CTNND2: variants seen among roughly 807,000 people sequenced by gnomAD.
CTNND2 encodes the protein catenin delta 2.
In CTNND2, 22 loss-of-function variants were observed where a neutral mutation model predicts 144.4. The ratio of observed to expected loss-of-function variants is 0.15; its 90% confidence interval spans 0.11 to 0.22. The LOEUF (loss-of-function observed/expected upper bound fraction) is 0.22, where lower values mean the gene tolerates loss of function less well. Among genes scored for constraint, CTNND2 ranks in the 10% least tolerant of loss-of-function variants. CTNND2 has a pLI of 1.00. For missense variants in CTNND2, 1,353 were observed against 1,618.8 expected (o/e 0.84, Z 2.82); for synonymous variants, 751 against 695.6 (o/e 1.08, Z -1.25).
At chr5:11,395,947 A>T (rs2149814562) in intron 6 of CTNND2, among the ~76,000 whole-genome samples, 1 of 152,304 alleles carries the variant, frequency 6.6e-6, no homozygotes, top group East Asian at 1.9e-4. Flanking sequence ...CTCCTGATAC[A>T]AACATGAAAA....
chr5:11,396,550 C>A (rs780483498), intron 6 of CTNND2, among the ~76,000 whole-genome samples: 3 of 152,170 alleles, frequency 2.0e-5, no homozygotes, highest in Non-Finnish European at 4.4e-5. Flanking sequence ...AAACTCATCA[C>A]AATCATTTTC....
At chr5:11,323,868 T>C (rs116623811) in intron 9 of CTNND2, among the ~76,000 whole-genome samples, 3,431 of 152,048 alleles carry the variant, frequency 0.023, 130 homozygotes, top group African/African-American at 0.079. Context: ...AAATTCTGAG[T>C]AGCAAAGAGT....
chr5:11,791,122 A>G (rs924057805), intron 1 of CTNND2, among the ~76,000 whole-genome samples: 2 of 152,198 alleles, frequency 1.3e-5, no homozygotes, highest in African/African-American at 4.8e-5. Flanking sequence ...GGTTACCAGG[A>G]GCTGGAAGAG....
rs150511045 is a variant in CTNND2, at chr5:11,816,615, G to C, written c.38-84343C>G. ...GAGCAGGTAGGGGAGGGAAGAGAGA[G>C]AGAGAGGGAAGAGGGAGAGGGGGGG... On this transcript the variant is annotated intron_variant, in intron 1 of 21. Coordinates refer to ENST00000304623, the MANE Select transcript of CTNND2 (RefSeq NM_001332.4). 2.9e-3 allele frequency among the ~76,000 whole-genome samples: 385 copies of C among 130,844 alleles called. 5 individuals carry two copies. Among genetic ancestry groups the C allele is most frequent in the African/African-American group, 0.011 (361 of 33,358 alleles). 85.8% of individuals were successfully genotyped at this position (130,844 alleles called of 152,430 possible). A position where few individuals can be genotyped will look rare whatever the true frequency, so the allele number is the denominator to read the frequency against.
At chr5:11,117,733 C>T (rs1300088922) in intron 12 of CTNND2, among the ~76,000 whole-genome samples, 166 bp from the exon 13 acceptor site, 5 of 152,190 alleles carry the variant, frequency 3.3e-5, no homozygotes, top group Non-Finnish European at 7.3e-5. Flanking sequence ...TTCCACAAAA[C>T]ACATCCCAGA....
At chr5:11,635,602 G>A (rs1781642894) in intron 2 of CTNND2, among the ~76,000 whole-genome samples, 1 of 152,114 alleles carries the variant, frequency 6.6e-6, no homozygotes, top group South Asian at 2.1e-4. Flanking sequence ...ACCACATCTG[G>A]ATATTCTAAC....
At chr5:11,073,718 G>A (rs1748599029) in intron 16 of CTNND2, among the ~76,000 whole-genome samples, 2 of 152,146 alleles carry the variant, frequency 1.3e-5, no homozygotes, top group Non-Finnish European at 2.9e-5. Context: ...TTAGGTTCTG[G>A]GGTTTAGGAG....
At chr5:11,828,849 G>C (rs1011874473) in intron 1 of CTNND2, among the ~76,000 whole-genome samples, 7 of 152,118 alleles carry the variant, frequency 4.6e-5, no homozygotes, top group Admixed American at 4.6e-4. Flanking sequence ...CATTAGGCAG[G>C]GAAATTGGGA....
At chr5:11,476,866 C>T (rs970925380) in intron 3 of CTNND2, among the ~76,000 whole-genome samples, 1 of 152,090 alleles carries the variant, frequency 6.6e-6, no homozygotes, top group Non-Finnish European at 1.5e-5. Context: ...TTCCTATTTC[C>T]CTCCAATTTA....
intron 1 of CTNND2, among the ~76,000 whole-genome samples, chr5:11,774,604 G>A (rs970390902): frequency 6.6e-6 from 1 of 151,074 alleles, no homozygotes; most frequent in Admixed American, 6.6e-5. Flanking sequence ...ATACTGGTTG[G>A]TATGCCAGCC....
intron 4 of CTNND2, 37 bp from the exon 5 acceptor site, chr5:11,411,689 T>C: frequency 1.7e-6 from 2 of 1,187,760 alleles, no homozygotes; most frequent in Non-Finnish European, 2.5e-6. Context: ...AACAAACACA[T>C]GGTATATTAT....
chr5:11,409,319 AT>A (rs1761335201), intron 5 of CTNND2, among the ~76,000 whole-genome samples: 1 of 151,986 alleles, frequency 6.6e-6, no homozygotes. Flanking sequence ...AATTGCCTTT[AT>A]CTTCTAGTAG....
chr5:11,024,535 C>T (rs912284998), intron 16 of CTNND2, among the ~76,000 whole-genome samples: 2 of 152,138 alleles, frequency 1.3e-5, no homozygotes, highest in Non-Finnish European at 2.9e-5. Flanking sequence ...GCTCCACAGA[C>T]ATGAAATGAT....
At chr5:11,887,447 C>T (rs898030513) in intron 1 of CTNND2, among the ~76,000 whole-genome samples, 5 of 151,510 alleles carry the variant, frequency 3.3e-5, no homozygotes, top group African/African-American at 1.2e-4. Flanking sequence ...AGTCTAACCC[C>T]ACTAAAATCA....
At chr5:11,509,727 G>A (rs1252870610) in intron 3 of CTNND2, among the ~76,000 whole-genome samples, 3 of 152,106 alleles carry the variant, frequency 2.0e-5, no homozygotes, top group Non-Finnish European at 4.4e-5. Context: ...ACTGGATCTA[G>A]TCTCTTTACT....
intron 1 of CTNND2, among the ~76,000 whole-genome samples, chr5:11,871,612 G>A (rs934375842): frequency 6.6e-6 from 1 of 152,182 alleles, no homozygotes; most frequent in Non-Finnish European, 1.5e-5. Context: ...GAATTTAACT[G>A]AGAGTTTACC....
chr5:11,092,423 G>A (rs896949988), intron 15 of CTNND2, among the ~76,000 whole-genome samples: 13 of 152,156 alleles, frequency 8.5e-5, no homozygotes, highest in Admixed American at 2.0e-4. Flanking sequence ...TCCATTTATC[G>A]ATTTGGATGC....
intron 3 of CTNND2, among the ~76,000 whole-genome samples, chr5:11,505,259 T>A (rs867136481): frequency 3.3e-5 from 5 of 149,598 alleles, no homozygotes; most frequent in Middle Eastern, 3.5e-3. Flanking sequence ...AACTCCAAGA[T>A]ACCCTGCTCT....
intron 1 of CTNND2, among the ~76,000 whole-genome samples, chr5:11,769,598 A>G (rs1445624922): frequency 1.3e-5 from 2 of 152,202 alleles, no homozygotes; most frequent in African/African-American, 2.4e-5. Flanking sequence ...ATATCACTGA[A>G]ACAGACACTT....
Sources: gnomAD v4.1 joint callset for allele counts (sites outside exome capture counted in the v4.1 genomes callset) on GRCh38, gnomAD v4.1.1 for gene constraint, MANE v1.5 for transcripts, NCBI Gene and HGNC (gene_info 2026-07-23, HGNC 2026-07-21) for gene names.